MDGA2: variants seen among roughly 807,000 people sequenced by gnomAD.
MDGA2 encodes MAM domain containing glycosylphosphatidylinositol anchor 2.
MDGA2 carries 40 observed loss-of-function variants against 117.8 expected under a neutral mutation model. That is an observed-to-expected ratio of 0.34 (90% CI 0.26 to 0.44). The LOEUF is 0.44. Ranked by LOEUF, MDGA2 falls within the 20% of genes least tolerant of loss-of-function variation. The pLI is 1.00. For missense variants in MDGA2, 1,123 were observed against 1,250.6 expected (o/e 0.90, Z 1.54); for synonymous variants, 452 against 439.0 (o/e 1.03, Z -0.37).
intron 9 of MDGA2, among the ~76,000 whole-genome samples, chr14:46,925,330 G>A (rs1201956615): frequency 6.6e-6 from 1 of 151,870 alleles, no homozygotes; most frequent in Non-Finnish European, 1.5e-5. Context: ...TAAGATAATA[G>A]AAAAATAAAA....
At chr14:47,200,607 C>T (rs1885466101) in intron 3 of MDGA2, 1 of 1,243,358 alleles carries the variant, frequency 8.0e-7, no homozygotes, top group South Asian at 1.2e-5. Flanking sequence ...TTGAAGACCT[C>T]TGTATATTTG....
At chr14:47,109,021 T>C (rs951708479) in intron 5 of MDGA2, among the ~76,000 whole-genome samples, 2 of 152,160 alleles carry the variant, frequency 1.3e-5, no homozygotes, top group African/African-American at 4.8e-5. Flanking sequence ...TTCCAACAGG[T>C]GAGGTCCTGG....
At chr14:47,337,270 A>G (rs1368774852) in intron 1 of MDGA2, among the ~76,000 whole-genome samples, 1 of 152,078 alleles carries the variant, frequency 6.6e-6, no homozygotes, top group East Asian at 1.9e-4. Context: ...CTATATGTTC[A>G]AAATTGTTTG....
chr14:47,516,684 T>C (rs1301841790), intron 1 of MDGA2, among the ~76,000 whole-genome samples: 1 of 152,182 alleles, frequency 6.6e-6, no homozygotes, highest in Non-Finnish European at 1.5e-5. Context: ...ATTGTCCCTG[T>C]TCATAGGGTC....
intron 9 of MDGA2, among the ~76,000 whole-genome samples, chr14:46,947,969 C>T (rs1321977338): frequency 6.6e-6 from 1 of 151,874 alleles, no homozygotes; most frequent in African/African-American, 2.4e-5. Flanking sequence ...ACTTTACTTA[C>T]CTTTGTGTCC....
chr14:46,844,318 G>A (rs576079444), intron 16 of MDGA2, among the ~76,000 whole-genome samples: 1 of 152,182 alleles, frequency 6.6e-6, no homozygotes, highest in South Asian at 2.1e-4. Context: ...AGTGGCTCAC[G>A]CCTGTAATCC....
At chr14:47,541,238 A>G (rs910026766) in intron 1 of MDGA2, among the ~76,000 whole-genome samples, 1 of 152,240 alleles carries the variant, frequency 6.6e-6, no homozygotes, top group African/African-American at 2.4e-5. Flanking sequence ...ACTTTTCAAA[A>G]GTGGAATAAA....
Position 47,006,808 on chromosome 14 carries a change from T to A in MDGA2, c.1819+28203A>T, listed in dbSNP as rs1248293771. ...GATGCAAACTGATCTTTAAACAGAG[T>A]TCCTGTGTCATAAAATAACCCCCTA... On this transcript the variant is annotated intron_variant, in intron 8 of 16. Transcript: ENST00000399232. 2.0e-5 allele frequency among the ~76,000 whole-genome samples: 3 copies of A among 151,660 alleles called. 1 individual carries two copies. The highest frequency in any genetic ancestry group is 4.4e-5 in the Non-Finnish European group (3 of 67,732).
intron 3 of MDGA2, among the ~76,000 whole-genome samples, chr14:47,215,405 CTT>C (rs1167249531): frequency 2.6e-5 from 4 of 151,986 alleles, no homozygotes; most frequent in African/African-American, 4.8e-5. Flanking sequence ...CTAGTCATGT[CTT>C]TATCAACAAT....
rs1594918273 is a variant in MDGA2, at chr14:47,561,171, G to GTTTTTTTTTTTTTTTTTTTTTTTTTT, written c.280+113345_280+113346insAAAAAAAAAAAAAAAAAAAAAAAAAA. 3.1e-4 allele frequency among the ~76,000 whole-genome samples: 21 copies of GTTTTTTTTTTTTTTTTTTTTTTTTTT among 68,474 alleles called. 1 individual carries two copies. The highest frequency in any genetic ancestry group is 9.9e-4 in the East Asian group (1 of 1,006). The allele number at this position is 68,474 out of a possible 152,430, so 44.9% of individuals were successfully genotyped here. ...TTTTTTTGTTTTGTTTTGTTTTTTTGTTTGTTTGTTTTTTTTTGCTTAGGA... is the reference window on the plus strand; with the variant it reads ...TTTTTTTGTTTTGTTTTGTTTTTTTGTTTTTTTTTTTTTTTTTTTTTTTTTTTTTGTTTGTTTTTTTTTGCTTAGGA... On this transcript the variant is annotated intron_variant, in intron 1 of 16. Coordinates refer to ENST00000399232, the MANE Select transcript of MDGA2 (RefSeq NM_001113498.3).
intron 3 of MDGA2, among the ~76,000 whole-genome samples, chr14:47,183,173 A>C (rs1884778072): frequency 6.6e-6 from 1 of 151,930 alleles, no homozygotes; most frequent in African/African-American, 2.4e-5. Context: ...CATCTATCTA[A>C]TTTACTACAT....
intron 5 of MDGA2, among the ~76,000 whole-genome samples, chr14:47,116,671 G>C (rs985160086): frequency 1.3e-5 from 2 of 151,972 alleles, no homozygotes; most frequent in African/African-American, 4.8e-5. Flanking sequence ...CCTAGACAAA[G>C]ACAAGAGATG....
At chr14:46,896,598 G>C (rs1165904383) in intron 10 of MDGA2, among the ~76,000 whole-genome samples, 1 of 151,832 alleles carries the variant, frequency 6.6e-6, no homozygotes, top group East Asian at 1.9e-4. Flanking sequence ...GGAAGTGTAA[G>C]GGAGAACAGA....
At chr14:47,271,405 G>T (rs1888139218) in intron 2 of MDGA2, among the ~76,000 whole-genome samples, 1 of 152,138 alleles carries the variant, frequency 6.6e-6, no homozygotes, top group South Asian at 2.1e-4. Flanking sequence ...TTTTGAAAAA[G>T]ATGAAAATAA....
At chr14:47,012,314 C>T (rs1315425734) in intron 8 of MDGA2, among the ~76,000 whole-genome samples, 2 of 152,216 alleles carry the variant, frequency 1.3e-5, no homozygotes, top group Non-Finnish European at 2.9e-5. Context: ...CAAACATACA[C>T]TTCAGGTGCT....
chr14:47,075,927 T>G (rs905222878), intron 6 of MDGA2, among the ~76,000 whole-genome samples: 3 of 152,114 alleles, frequency 2.0e-5, no homozygotes, highest in African/African-American at 4.8e-5. Flanking sequence ...CTCCTCCTAT[T>G]AAACTATTCT....
chr14:47,169,367 T>A (rs1161088610), intron 3 of MDGA2, among the ~76,000 whole-genome samples: 1 of 151,896 alleles, frequency 6.6e-6, no homozygotes, highest in African/African-American at 2.4e-5. Flanking sequence ...GCTTATATGA[T>A]GTTACCTTTT....
intron 1 of MDGA2, among the ~76,000 whole-genome samples, chr14:47,627,744 A>G (rs1186307): frequency 0.2 from 30,522 of 151,998 alleles, 3,160 homozygotes; most frequent in East Asian, 0.25. Flanking sequence ...CCCCTTCCAC[A>G]TTGTGGAAGC....
At chr14:47,596,979 A>C (rs1303034841) in intron 1 of MDGA2, among the ~76,000 whole-genome samples, 2 of 152,168 alleles carry the variant, frequency 1.3e-5, no homozygotes, top group Non-Finnish European at 2.9e-5. Context: ...ATCAGTAGCT[A>C]AATAAAATCA....
Sources: allele counts gnomAD v4.1 joint callset (sites outside exome capture counted in the v4.1 genomes callset), GRCh38; gene constraint gnomAD v4.1.1; transcripts MANE v1.5; gene names NCBI Gene and HGNC (gene_info 2026-07-23, HGNC 2026-07-21).